The following BMERB1 variants were observed in gnomAD, a reference collection of about 807,000 sequenced individuals.
The protein encoded by BMERB1 is bMERB domain containing 1.
Under a neutral mutation model 23.6 loss-of-function variants are expected in BMERB1, and 12 were observed. The observed-to-expected ratio is 0.51, with a 90% CI of 0.33 to 0.82. The LOEUF is 0.82. Among genes scored for constraint, BMERB1 ranks in the 40% least tolerant of loss-of-function variants. The pLI, the probability that BMERB1 is intolerant of heterozygous loss-of-function variation, is 0.03. For missense variants in BMERB1, 247 were observed against 255.4 expected, an observed-to-expected ratio of 0.97 and a Z score of 0.22; for synonymous variants, 122 against 96.6, an observed-to-expected ratio of 1.26 and a Z score of -1.54.
Position 15,434,715 on chromosome 16 carries a change from G to T in BMERB1, c.62G>T (p.Gly21Val). The T allele has an allele frequency of 6.2e-7, 1 of 1,613,688 alleles. No homozygotes were observed. The highest frequency in any genetic ancestry group is 8.5e-7 in the Non-Finnish European group (1 of 1,179,766). ...LEAEKPLRRY[G>V]AVEETAWKTE... ...GCCGAGAAGCCTCTGAGGCGCTATG[G>T]GGCGGTGGAGGAGACGGCTTGGAAA... Residue 21 changes from glycine to valine, a missense_variant, in exon 1 of 6, where the codon GGG becomes GTG. Transcript: ENST00000300006.
intron 1 of BMERB1, among the ~76,000 whole-genome samples, chr16:15,495,574 G>A (rs1354626152): frequency 1.3e-5 from 2 of 152,046 alleles, no homozygotes; most frequent in Non-Finnish European, 2.9e-5. Flanking sequence ...CACCATGTTA[G>A]CCAGGATGGT....
chr16:15,456,123 G>A (rs2051085569), intron 1 of BMERB1, among the ~76,000 whole-genome samples: 1 of 152,066 alleles, frequency 6.6e-6, no homozygotes, highest in Non-Finnish European at 1.5e-5. Context: ...AAAGTAGAAA[G>A]TACTTTCTAC....
intron 2 of BMERB1, among the ~76,000 whole-genome samples, chr16:15,528,620 C>T (rs1313209835): frequency 6.6e-6 from 1 of 151,914 alleles, no homozygotes; most frequent in East Asian, 1.9e-4. Context: ...CCTCCCCACC[C>T]CCCGATACAC....
At chr16:15,569,273 C>G (rs1464403007) in intron 3 of BMERB1, among the ~76,000 whole-genome samples, 2 of 152,106 alleles carry the variant, frequency 1.3e-5, no homozygotes, top group South Asian at 2.1e-4. Context: ...AATTGGCTCA[C>G]AGTCCTGCAG....
At chr16:15,477,741 TC>T (rs1347125769) in intron 1 of BMERB1, among the ~76,000 whole-genome samples, 3 of 152,074 alleles carry the variant, frequency 2.0e-5, no homozygotes, top group Admixed American at 6.6e-5. Context: ...TGGTAGTGGT[TC>T]CAGGTCAGAG....
intron 1 of BMERB1, among the ~76,000 whole-genome samples, chr16:15,494,877 CTTTTTTTTTTTTT>C (rs754135430): frequency 8.9e-4 from 85 of 95,166 alleles, no homozygotes; most frequent in African/African-American, 3.2e-3. Flanking sequence ...TTTTTTTTAT[CTTTTTTTTTTTTT>C]TTTTTTTTTT....
chr16:15,511,801 C>T (rs1295894324), intron 1 of BMERB1, among the ~76,000 whole-genome samples: 1 of 152,014 alleles, frequency 6.6e-6, no homozygotes, highest in Non-Finnish European at 1.5e-5. Context: ...TACCTGAGGT[C>T]AGGAGTTCAA....
intron 1 of BMERB1, among the ~76,000 whole-genome samples, chr16:15,512,038 A>AAG (rs1555509799): frequency 2.7e-5 from 4 of 148,408 alleles, no homozygotes; most frequent in African/African-American, 4.9e-5. Flanking sequence ...AAAAAAAAAA[A>AAG]GGGGGAATTG....
At chr16:15,581,440 T>A in intron 4 of BMERB1, 109 bp downstream of exon 4, 15 of 840,754 alleles carry the variant, frequency 1.8e-5, no homozygotes, top group Non-Finnish European at 2.6e-5. Flanking sequence ...CTAACAGGCA[T>A]GGCCTTGATC....
At chr16:15,492,570 G>A (rs1400256901) in intron 1 of BMERB1, among the ~76,000 whole-genome samples, 2 of 152,170 alleles carry the variant, frequency 1.3e-5, no homozygotes, top group African/African-American at 2.4e-5. Flanking sequence ...AGGGGCTCAA[G>A]GTCAGCATCA....
chr16:15,583,486 G>A (rs1596405432), intron 5 of BMERB1, among the ~76,000 whole-genome samples: 1 of 150,684 alleles, frequency 6.6e-6, no homozygotes, highest in East Asian at 2.0e-4. Flanking sequence ...GCTGAGGCAG[G>A]AGAATTGCTT....
chr16:15,583,013 T>C lies in BMERB1; in HGVS notation c.420-143T>C, dbSNP rs1479335230. On this transcript the variant is annotated intron_variant, in intron 4 of 5. Transcript: ENST00000300006. ...AGGTTCACCAGATACAACATATACATACTGTACACGCATAACACGTGACAA... is the reference window on the plus strand; with the variant it reads ...AGGTTCACCAGATACAACATATACACACTGTACACGCATAACACGTGACAA... 8.7e-6 allele frequency: 6 copies of C among 691,566 alleles called. No homozygotes were observed. In the African/African-American group the frequency reaches 1.1e-4, roughly 12 times the overall value. 42.8% of individuals were successfully genotyped at this position (691,566 alleles called of 1,614,324 possible). A position where few individuals can be genotyped will look rare whatever the true frequency, so the allele number is the denominator to read the frequency against.
chr16:15,566,545 G>T (rs1329205113), intron 2 of BMERB1, among the ~76,000 whole-genome samples: 1 of 152,046 alleles, frequency 6.6e-6, no homozygotes, highest in African/African-American at 2.4e-5. Flanking sequence ...TGTAATCCCA[G>T]CTACTAGCTA....
At chr16:15,443,532 CT>C (rs1378466054) in intron 1 of BMERB1, among the ~76,000 whole-genome samples, 1 of 152,010 alleles carries the variant, frequency 6.6e-6, no homozygotes, top group African/African-American at 2.4e-5. Flanking sequence ...CAGTGAGGCC[CT>C]ATCTCAAAAA....
rs114175230 is a variant in BMERB1 at position 15,535,990 on chromosome 16, C to T, written c.230+20562C>T. 5.1e-3 allele frequency among the ~76,000 whole-genome samples: 782 copies of T among 152,186 alleles called. 9 individuals are homozygous for T. The highest frequency in any genetic ancestry group is 0.018 in the African/African-American group (758 of 41,514). ...ACGAGAACAGCATGGAGGAAACTGC[C>T]GCCATGATCCAATCACTTCCCTCCC... is the stretch of plus-strand genomic sequence containing the variant. On this transcript the variant is annotated intron_variant, in intron 2 of 5. Transcript: ENST00000300006.
intron 2 of BMERB1, among the ~76,000 whole-genome samples, chr16:15,551,636 C>G (rs760207154): frequency 6.6e-6 from 1 of 152,138 alleles, no homozygotes; most frequent in African/African-American, 2.4e-5. Context: ...AGGCTTTACA[C>G]AGGGATGCAC....
At chr16:15,497,044 A>G (rs2051479987) in intron 1 of BMERB1, among the ~76,000 whole-genome samples, 1 of 152,172 alleles carries the variant, frequency 6.6e-6, no homozygotes, top group Admixed American at 6.5e-5. Flanking sequence ...AAGGAAACTC[A>G]TTCTTCCTTA....
At chr16:15,572,245 G>C (rs550759368) in intron 3 of BMERB1, among the ~76,000 whole-genome samples, 2 of 150,964 alleles carry the variant, frequency 1.3e-5, no homozygotes, top group African/African-American at 5.0e-5. Context: ...ACTACCCCCC[G>C]CATGGTTGTT....
chr16:15,573,040 A>G (rs2030769806), intron 3 of BMERB1, among the ~76,000 whole-genome samples: 1 of 152,174 alleles, frequency 6.6e-6, no homozygotes, highest in Non-Finnish European at 1.5e-5. Flanking sequence ...TTCTTTATAA[A>G]TTACCCAGTT....
Sources: allele counts gnomAD v4.1 joint callset (sites outside exome capture counted in the v4.1 genomes callset), GRCh38; gene constraint gnomAD v4.1.1; transcripts MANE v1.5; gene names NCBI Gene and HGNC (gene_info 2026-07-23, HGNC 2026-07-21).